Variants in CNTN6 observed in about 807,000 individuals in gnomAD.
CNTN6 encodes contactin 6.
In CNTN6, 137 loss-of-function variants were observed where a neutral mutation model predicts 122.8. The ratio of observed to expected loss-of-function variants is 1.12; its 90% CI spans 0.97 to 1.29. The LOEUF is 1.29. Among genes scored for constraint, CNTN6 ranks in the 50% most tolerant of loss-of-function variants. CNTN6 has a pLI of 0.00. For synonymous variants in CNTN6, 570 were observed against 426.0 expected (o/e 1.34, Z -4.16); for missense variants, 1,634 against 1,223.4 (o/e 1.34, Z -5.01).
At chr3:1,198,770 C>T (rs138200887) in intron 2 of CNTN6, among the ~76,000 whole-genome samples, 184 of 151,772 alleles carry the variant, frequency 1.2e-3, no homozygotes, top group Non-Finnish European at 2.0e-3. Context: ...TGAGCTACAA[C>T]ATAGTAGGTT....
intron 1 of CNTN6, among the ~76,000 whole-genome samples, chr3:1,138,305 A>G (rs1047841033): frequency 2.0e-5 from 3 of 152,084 alleles, no homozygotes; most frequent in Non-Finnish European, 4.4e-5. Flanking sequence ...AAGAAAAGCA[A>G]ACATTGAATA....
chr3:1,326,155 A>G (rs1701511195), intron 9 of CNTN6, among the ~76,000 whole-genome samples: 1 of 151,878 alleles, frequency 6.6e-6, no homozygotes, highest in African/African-American at 2.4e-5. Flanking sequence ...AGTGTAGACA[A>G]GACAAATAAC....
rs149730204 is a variant in CNTN6 at position 1,137,785 on chromosome 3, A to AT, written c.-82-10138dup. ...CACAAAGCTATTAAGTGTCTGGTAGATTTTAAGAATGGAATTCCAGACTGT... is the reference window on the plus strand; with the variant it reads ...CACAAAGCTATTAAGTGTCTGGTAGATTTTTAAGAATGGAATTCCAGACTGT... On this transcript the variant is annotated intron_variant, in intron 1 of 22. Transcript: ENST00000446702. Among the ~76,000 whole-genome samples the AT allele has an allele frequency of 2.9e-3, 449 of 152,280 alleles. 5 individuals carry two copies. Among genetic ancestry groups the AT allele is most frequent in the African/African-American group, 0.01 (434 of 41,560 alleles).
chr3:1,220,833 C>A lies in CNTN6; in HGVS notation c.182+20C>A, dbSNP rs912754702. 14 of 1,580,788 alleles carry A rather than the reference C, an allele frequency of 8.9e-6. No homozygotes were observed. The highest frequency in any genetic ancestry group is 1.1e-5 in the Non-Finnish European group (13 of 1,167,264). On this transcript the variant is annotated intron_variant, in intron 3 of 22. Coordinates refer to ENST00000446702, the MANE Select transcript of CNTN6 (RefSeq NM_001289080.2). ...TTATAGGTAAAATCCTACCTGTGGGCACCACACTATTTTGTTCTTCCTCAC... is the reference window on the plus strand; with the variant it reads ...TTATAGGTAAAATCCTACCTGTGGGAACCACACTATTTTGTTCTTCCTCAC...
chr3:1,295,332 A>G (rs1240068958), intron 5 of CNTN6, among the ~76,000 whole-genome samples: 1 of 152,154 alleles, frequency 6.6e-6, no homozygotes, highest in East Asian at 1.9e-4. Context: ...AAACTCATCC[A>G]CTTATTTCCA....
intron 20 of CNTN6, among the ~76,000 whole-genome samples, chr3:1,395,577 C>G (rs1224347043): frequency 6.6e-6 from 1 of 152,134 alleles, no homozygotes; most frequent in South Asian, 2.1e-4. Flanking sequence ...TCTTGCTTCC[C>G]TCTTTCCCTT....
intron 1 of CNTN6, among the ~76,000 whole-genome samples, chr3:1,116,801 T>A (rs1458059261): frequency 6.7e-6 from 1 of 149,422 alleles, no homozygotes; most frequent in African/African-American, 2.5e-5. Flanking sequence ...GCTTCCCAGG[T>A]TCAAGCGATT....
chr3:1,376,679 G>T (rs912780435), intron 16 of CNTN6, among the ~76,000 whole-genome samples: 1 of 151,892 alleles, frequency 6.6e-6, no homozygotes, highest in African/African-American at 2.4e-5. Context: ...GTATAATTAG[G>T]CACTAAATCA....
intron 4 of CNTN6, among the ~76,000 whole-genome samples, chr3:1,253,413 TTA>T (rs1411097165): frequency 1.3e-5 from 2 of 152,210 alleles, no homozygotes; most frequent in Non-Finnish European, 2.9e-5. Context: ...TCTATAATTA[TTA>T]TATGTTGATA....
chr3:1,175,163 C>T (rs114138423), intron 2 of CNTN6, among the ~76,000 whole-genome samples: 1,404 of 139,006 alleles, frequency 0.01, 34 homozygotes, highest in African/African-American at 0.034. Context: ...GGGTGGGAGG[C>T]CCAGACTACG....
intron 1 of CNTN6, among the ~76,000 whole-genome samples, chr3:1,111,944 C>T (rs761159372): frequency 3.9e-5 from 6 of 151,992 alleles, no homozygotes; most frequent in Non-Finnish European, 7.4e-5. Flanking sequence ...TTTAAAGCAT[C>T]CTGTAAGTCA....
rs1575727382 is a variant in CNTN6, at chr3:1,329,696, T to G, written c.1214-89T>G. The G allele has an allele frequency of 1.4e-5, 15 of 1,102,820 alleles. No homozygotes were observed. In the South Asian group the frequency reaches 2.8e-4, roughly 20 times the overall value. The allele number at this position is 1,102,820 out of a possible 1,614,324, so 68.3% of individuals were successfully genotyped here. On this transcript the variant is annotated intron_variant, in intron 10 of 22. Coordinates refer to ENST00000446702, the MANE Select transcript of CNTN6 (RefSeq NM_001289080.2). Reference sequence around the variant, plus strand: ...GAAAAGAGGATACAGCTATAAATATTAGATTCTGTCTAGCATAGCAAGTCA... The same window carrying G: ...GAAAAGAGGATACAGCTATAAATATGAGATTCTGTCTAGCATAGCAAGTCA...
rs755047185 is a variant in CNTN6, at chr3:1,402,673, G to A, written c.2986+187G>A. On this transcript the variant is annotated intron_variant, in intron 22 of 22. Transcript: ENST00000446702. ...CAAAATTATAACATACACTATAAAT[G>A]GTTTTATGCTTCCTCATTTGAAAAC... The A allele has an allele frequency of 1.6e-4, 71 of 446,182 alleles. 1 individual carries two copies. Among genetic ancestry groups the A allele is most frequent in the Admixed American group, 6.6e-4 (17 of 25,682 alleles). The allele number at this position is 446,182 out of a possible 1,614,324, so 27.6% of individuals were successfully genotyped here.
At chr3:1,333,025 T>C (rs188668127) in intron 11 of CNTN6, among the ~76,000 whole-genome samples, 1 of 152,176 alleles carries the variant, frequency 6.6e-6, no homozygotes, top group Admixed American at 6.6e-5. Flanking sequence ...TCACAAAATA[T>C]GTTTTCTTAC....
intron 7 of CNTN6, among the ~76,000 whole-genome samples, chr3:1,300,537 GAGAGAAAGAA>G (rs1559754871): frequency 1.5e-5 from 2 of 133,468 alleles, no homozygotes; most frequent in East Asian, 2.1e-4. Context: ...TAAAGAAAGA[GAGAGAAAGAA>G]AGAGAAAGAA....
intron 8 of CNTN6, among the ~76,000 whole-genome samples, chr3:1,324,785 C>G (rs1174720305): frequency 6.7e-6 from 1 of 149,658 alleles, no homozygotes; most frequent in East Asian, 1.9e-4. Context: ...ATGTGGAACT[C>G]AAGCCCTTTA....
chr3:1,392,849 A>G lies in CNTN6; in HGVS notation c.2704+7052A>G, dbSNP rs978201076. Among the ~76,000 whole-genome samples, 24 of 134,122 alleles carry G rather than the reference A, an allele frequency of 1.8e-4. 1 individual carries two copies. Among genetic ancestry groups the G allele is most frequent in the African/African-American group, 6.4e-4 (23 of 35,982 alleles). 88.0% of individuals were successfully genotyped at this position (134,122 alleles called of 152,430 possible). A position where few individuals can be genotyped will look rare whatever the true frequency, so the allele number is the denominator to read the frequency against. On this transcript the variant is annotated intron_variant, in intron 20 of 22. Coordinates refer to ENST00000446702, the MANE Select transcript of CNTN6 (RefSeq NM_001289080.2). ...CATCAGAGAAATGCAAATCAAAACCACAATGAGATACCATCTCACACCACT... is the reference window on the plus strand; with the variant it reads ...CATCAGAGAAATGCAAATCAAAACCGCAATGAGATACCATCTCACACCACT...
chr3:1,296,781 A>G lies in CNTN6; in HGVS notation c.658+977A>G, dbSNP rs75472999. On this transcript the variant is annotated intron_variant, in intron 6 of 22. Coordinates refer to ENST00000446702, the MANE Select transcript of CNTN6 (RefSeq NM_001289080.2). ...TCCTAAGTCCAATTTATCTCCTTCA[A>G]TGAATACTACTATTTATGACCAGAA... Among the ~76,000 whole-genome samples, 1,292 of 152,254 alleles carry G rather than the reference A, an allele frequency of 8.5e-3. 20 individuals are homozygous for G. Among genetic ancestry groups the G allele is most frequent in the African/African-American group, 0.029 (1,212 of 41,556 alleles).
intron 1 of CNTN6, among the ~76,000 whole-genome samples, chr3:1,107,612 CA>C (rs2091286313): frequency 6.6e-6 from 1 of 152,016 alleles, no homozygotes; most frequent in Non-Finnish European, 1.5e-5. Flanking sequence ...TCCAGGGTGA[CA>C]AAAGCTGAAC....
Sources: gnomAD v4.1 joint callset for allele counts (sites outside exome capture counted in the v4.1 genomes callset) on GRCh38, gnomAD v4.1.1 for gene constraint, MANE v1.5 for transcripts, NCBI Gene and HGNC (gene_info 2026-07-23, HGNC 2026-07-21) for gene names.